The following FOXP1 variants were observed in gnomAD, a reference collection of about 807,000 sequenced individuals.
FOXP1 encodes forkhead box protein P1.
A neutral mutation model predicts 98.2 loss-of-function variants in FOXP1; 15 were observed. The ratio of observed to expected loss-of-function variants is 0.15; its 90% CI spans 0.10 to 0.24. FOXP1 has a LOEUF of 0.24. FOXP1 is among the 10% of genes least tolerant of loss of function. The pLI, the probability that FOXP1 is intolerant of heterozygous loss-of-function variation, is 1.00. For synonymous variants in FOXP1, 371 were observed against 314.5 expected (o/e 1.18, Z -1.90); for missense variants, 633 against 848.5 (o/e 0.75, Z 3.15).
At chr3:71,471,262 T>C (rs1298488177) in intron 3 of FOXP1, among the ~76,000 whole-genome samples, 1 of 150,994 alleles carries the variant, frequency 6.6e-6, no homozygotes, top group African/African-American at 2.4e-5. Flanking sequence ...ATATAAATTA[T>C]ATAGTATAAT....
intron 2 of FOXP1, among the ~76,000 whole-genome samples, chr3:71,560,074 C>A (rs537272300): frequency 6.6e-6 from 1 of 152,120 alleles, no homozygotes; most frequent in African/African-American, 2.4e-5. Flanking sequence ...GCAGCCACCC[C>A]CTGACAACAC....
intron 2 of FOXP1, among the ~76,000 whole-genome samples, chr3:71,568,452 T>C (rs942503589): frequency 1.3e-5 from 2 of 152,122 alleles, no homozygotes; most frequent in Non-Finnish European, 2.9e-5. Flanking sequence ...CATGGACATG[T>C]GACCTGTGCA....
intron 3 of FOXP1, among the ~76,000 whole-genome samples, chr3:71,379,661 T>C (rs2108039980): frequency 6.6e-6 from 1 of 152,268 alleles, no homozygotes; most frequent in Middle Eastern, 3.4e-3. Flanking sequence ...AAAAATTATA[T>C]GAAAATCAAA....
chr3:71,291,322 C>T (rs912346057), intron 5 of FOXP1, among the ~76,000 whole-genome samples: 23 of 152,138 alleles, frequency 1.5e-4, no homozygotes, highest in Non-Finnish European at 3.1e-4. Context: ...GTATCCAAAA[C>T]GATCATTTCA....
chr3:70,961,383 A>G (rs779407265), intron 20 of FOXP1, among the ~76,000 whole-genome samples: 2 of 151,746 alleles, frequency 1.3e-5, no homozygotes. Context: ...GGGGCCCACC[A>G]CCACACCTGG....
intron 5 of FOXP1, among the ~76,000 whole-genome samples, chr3:71,241,000 G>T (rs2067229918): frequency 6.6e-6 from 1 of 151,520 alleles, no homozygotes; most frequent in African/African-American, 2.4e-5. Flanking sequence ...CACGAGGTCA[G>T]GAGTTCGAGA....
chr3:71,494,028 C>T (rs539592131), intron 2 of FOXP1, among the ~76,000 whole-genome samples: 2 of 152,236 alleles, frequency 1.3e-5, no homozygotes, highest in African/African-American at 2.4e-5. Flanking sequence ...GAAAGGTAAT[C>T]ATCATTTTTT....
intron 13 of FOXP1, among the ~76,000 whole-genome samples, chr3:70,998,818 T>A (rs2041737603): frequency 6.6e-6 from 1 of 152,238 alleles, no homozygotes; most frequent in Non-Finnish European, 1.5e-5. Flanking sequence ...TTACTGATGA[T>A]GGTCTAAATC....
At chr3:71,562,845 T>C (rs1022700399) in intron 2 of FOXP1, among the ~76,000 whole-genome samples, 2 of 152,220 alleles carry the variant, frequency 1.3e-5, no homozygotes, top group African/African-American at 2.4e-5. Context: ...CAAAGACTTC[T>C]GGGCCCAACA....
intron 5 of FOXP1, among the ~76,000 whole-genome samples, chr3:71,251,756 G>C (rs1242308425): frequency 6.6e-6 from 1 of 152,212 alleles, no homozygotes; most frequent in Non-Finnish European, 1.5e-5. Context: ...TTTAGCTTTA[G>C]CAATGATATG....
At chr3:71,532,193 G>C (rs1022850024) in intron 2 of FOXP1, among the ~76,000 whole-genome samples, 1 of 152,098 alleles carries the variant, frequency 6.6e-6, no homozygotes, top group Non-Finnish European at 1.5e-5. Context: ...TCCACCTCCT[G>C]GGCTCAAGCA....
Position 71,510,676 on chromosome 3 carries a change from A to G in FOXP1, c.-297-17121T>C, listed in dbSNP as rs189524685. On this transcript the variant is annotated intron_variant, in intron 2 of 20. Transcript: ENST00000649528. Reference sequence around the variant, plus strand: ...AGACCTGCAGAGGGGGCTGATGCCTACCAACTGCAATGTTCAACTAAGCTC... The same window carrying G: ...AGACCTGCAGAGGGGGCTGATGCCTGCCAACTGCAATGTTCAACTAAGCTC... Among the ~76,000 whole-genome samples, 72 of 152,324 alleles carry G rather than the reference A, an allele frequency of 4.7e-4. No individual in the cohort carries two copies. The East Asian group carries it at 0.012, about 24-fold the overall frequency.
At chr3:71,190,301 G>A (rs1046609897) in intron 6 of FOXP1, among the ~76,000 whole-genome samples, 9 of 151,762 alleles carry the variant, frequency 5.9e-5, no homozygotes, top group Non-Finnish European at 8.8e-5. Flanking sequence ...TTCCACATAC[G>A]GAGGCTCAAT....
intron 4 of FOXP1, among the ~76,000 whole-genome samples, chr3:71,351,629 A>C (rs1219001438): frequency 2.0e-5 from 3 of 152,144 alleles, no homozygotes; most frequent in African/African-American, 7.2e-5. Flanking sequence ...TCACCCTGGT[A>C]AATAAAAAGC....
chr3:71,049,003 A>G (rs112816109), intron 9 of FOXP1, among the ~76,000 whole-genome samples: 58 of 152,308 alleles, frequency 3.8e-4, no homozygotes, highest in African/African-American at 1.2e-3. Context: ...GTCCAAAGAA[A>G]GAATTTAAAA....
At chr3:71,051,672 A>G (rs1277587343) in intron 9 of FOXP1, among the ~76,000 whole-genome samples, 6 of 152,212 alleles carry the variant, frequency 3.9e-5, no homozygotes, top group Admixed American at 1.3e-4. Context: ...AGTCCACTGT[A>G]AAAATATGAG....
At chr3:71,264,583 T>C (rs2069461815) in intron 5 of FOXP1, among the ~76,000 whole-genome samples, 1 of 152,170 alleles carries the variant, frequency 6.6e-6, no homozygotes. Flanking sequence ...CCTAATTGCT[T>C]TATCACCTAT....
chr3:71,165,938 C>T (rs977974721), intron 6 of FOXP1, among the ~76,000 whole-genome samples: 1 of 152,218 alleles, frequency 6.6e-6, no homozygotes. Context: ...AGCAACTGAA[C>T]TCAATCTTTC....
At position 71,039,115 on chromosome 3, in the gene FOXP1, T is replaced by C. The variant is rs547138222; in HGVS notation, c.869+2213A>G. Among the ~76,000 whole-genome samples, 3 of 152,208 alleles carry C rather than the reference T, an allele frequency of 2.0e-5. No homozygotes were observed. In the East Asian group the frequency reaches 5.8e-4, roughly 29 times the overall value. On this transcript the variant is annotated intron_variant, in intron 11 of 20. Coordinates refer to ENST00000649528, the MANE Select transcript of FOXP1 (RefSeq NM_001349338.3). ...CCACGTTTAGGAACCTACTAGATAATACAAACTGAGAGATTCAAGAGATTA... is the reference window on the plus strand; with the variant it reads ...CCACGTTTAGGAACCTACTAGATAACACAAACTGAGAGATTCAAGAGATTA...
Sources: gnomAD v4.1 joint callset for allele counts (sites outside exome capture counted in the v4.1 genomes callset) on GRCh38, gnomAD v4.1.1 for gene constraint, MANE v1.5 for transcripts, NCBI Gene and HGNC (gene_info 2026-07-23, HGNC 2026-07-21) for gene names.